PPP1R37: variants seen among roughly 807,000 people sequenced by gnomAD.
The protein encoded by PPP1R37 is leucine rich repeat containing 68.
In PPP1R37, 21 loss-of-function variants were observed where a neutral mutation model predicts 61.0. The observed-to-expected ratio is 0.34, with a 90% CI of 0.24 to 0.50. PPP1R37 has a LOEUF of 0.50. PPP1R37 is among the 20% of genes least tolerant of loss of function. The pLI, the probability that PPP1R37 is intolerant of heterozygous loss-of-function variation, is 0.98. For synonymous variants in PPP1R37, 443 were observed against 433.5 expected (o/e 1.02, Z -0.27); for missense variants, 910 against 952.7 (o/e 0.96, Z 0.59).
intron 1 of PPP1R37, chr19:45,128,833 C>A: frequency 1.6e-6 from 1 of 620,394 alleles, no homozygotes; most frequent in South Asian, 1.6e-5. Flanking sequence ...AGGAATGACT[C>A]CCAGTTGATT....
intron 6 of PPP1R37, 36 bp from the exon 7 acceptor site, chr19:45,142,267 G>GC: frequency 6.5e-7 from 1 of 1,534,644 alleles, no homozygotes; most frequent in Non-Finnish European, 8.7e-7. Context: ...GGGGGCAGGG[G>GC]CCTGCCCAGT....
intron 1 of PPP1R37, among the ~76,000 whole-genome samples, chr19:45,134,761 C>T (rs949039135): frequency 6.6e-6 from 1 of 152,024 alleles, no homozygotes; most frequent in African/African-American, 2.4e-5. Flanking sequence ...ATTTCTACGG[C>T]GCTTCTGTAA....
intron 1 of PPP1R37, among the ~76,000 whole-genome samples, chr19:45,119,127 T>C (rs946058209): frequency 5.3e-5 from 8 of 152,038 alleles, no homozygotes; most frequent in Non-Finnish European, 1.2e-4. Flanking sequence ...TAGCTGGGAT[T>C]ACAGGCACGT....
Position 45,145,631 on chromosome 19 carries a change from G to C in PPP1R37, c.1575G>C (p.Glu525Asp). Residue 525 changes from glutamate to aspartate, a missense_variant, in exon 11 of 13, where the codon GAG becomes GAC. This residue lies in a region of PPP1R37 where 549 missense variants were observed against 505.1 expected (regional missense o/e 1.09). Transcript: ENST00000221462. ...AGGAAGAGGAAGGGGAGAGGGACGA[G>C]ACCCCCTGTCCTGCCCTGGTGCCCC... ...EEEEEEGERD[E>D]TPCPALVPPT... The C allele has an allele frequency of 6.5e-7, 1 of 1,535,930 alleles. No individual in the cohort carries two copies. The highest frequency in any genetic ancestry group is 2.4e-5 in the East Asian group (1 of 40,884).
chr19:45,145,662 G>T lies in PPP1R37; in HGVS notation c.1606G>T (p.Asp536Tyr), dbSNP rs1370369474. 3.9e-6 allele frequency: 6 copies of T among 1,535,328 alleles called. No individual in the cohort carries two copies. Among genetic ancestry groups the T allele is most frequent in the Non-Finnish European group, 5.2e-6 (6 of 1,146,600 alleles). The change falls in exon 11 of 13, where the codon GAC becomes TAC. Residue 536 changes from aspartate to tyrosine, a missense_variant. This residue lies in a region of PPP1R37 where 549 missense variants were observed against 505.1 expected (regional missense o/e 1.09). Coordinates refer to ENST00000221462, the MANE Select transcript of PPP1R37 (RefSeq NM_019121.2). ...TPCPALVPPT[D>Y]SLGPGDRSPP... ...CTGTCCTGCCCTGGTGCCCCCCACG[G>T]ACTCCCTGGGCCCTGGGGACAGGAG...
intron 1 of PPP1R37, among the ~76,000 whole-genome samples, chr19:45,135,549 G>T (rs994433040): frequency 4.6e-5 from 7 of 152,242 alleles, no homozygotes; most frequent in African/African-American, 1.7e-4. Flanking sequence ...CTGAAATGTG[G>T]AGAGTTGAGA....
rs557821137 is a variant in PPP1R37, at chr19:45,146,637, C to G, written c.*75C>G. ...CCATGAGAATCTGCTCACCTTCCCC[C>G]CAGCCTTCCTGAGGCCCAGGATGCC... On this transcript the variant is annotated 3_prime_UTR_variant, in exon 13 of 13. Transcript: ENST00000221462. 1.7e-6 allele frequency: 1 copy of G among 604,992 alleles called. No homozygotes were observed. The highest frequency in any genetic ancestry group is 2.9e-6 in the Non-Finnish European group (1 of 348,608). The allele number at this position is 604,992 out of a possible 1,614,324, so 37.5% of individuals were successfully genotyped here.
intron 2 of PPP1R37, 63 bp downstream of exon 2, chr19:45,138,674 C>A: frequency 8.2e-7 from 1 of 1,218,844 alleles, no homozygotes; most frequent in South Asian, 1.3e-5. Context: ...AGGGTGGAAC[C>A]AGCCCAGCAG....
At chr19:45,128,888 G>T in intron 1 of PPP1R37, 1 of 664,912 alleles carries the variant, frequency 1.5e-6, no homozygotes, top group African/African-American at 1.8e-5. Context: ...CAGCAGGGAG[G>T]TGCGAGAGGA....
At chr19:45,134,781 C>T (rs938987378) in intron 1 of PPP1R37, among the ~76,000 whole-genome samples, 3 of 152,036 alleles carry the variant, frequency 2.0e-5, no homozygotes, top group Admixed American at 6.6e-5. Flanking sequence ...AGCACTTGGG[C>T]GGATGTGACC....
intron 1 of PPP1R37, among the ~76,000 whole-genome samples, chr19:45,124,647 C>T (rs1968379191): frequency 6.6e-6 from 1 of 152,076 alleles, no homozygotes. Flanking sequence ...TCCCCAGTGC[C>T]AGCACAGAGC....
At chr19:45,138,840 G>T (rs935716520) in intron 2 of PPP1R37, among the ~76,000 whole-genome samples, 1 of 151,388 alleles carries the variant, frequency 6.6e-6, no homozygotes, top group Non-Finnish European at 1.5e-5. Flanking sequence ...CAAAAGAAAC[G>T]CTGTTCCCTG....
At chr19:45,100,677 CG>C (rs1381600617) in intron 1 of PPP1R37, among the ~76,000 whole-genome samples, 2 of 152,308 alleles carry the variant, frequency 1.3e-5, no homozygotes, top group East Asian at 3.9e-4. Context: ...ACGTGCCATA[CG>C]GTCTCTTCAT....
chr19:45,135,178 G>T (rs909057701), intron 1 of PPP1R37, among the ~76,000 whole-genome samples: 1 of 152,172 alleles, frequency 6.6e-6, no homozygotes, highest in Non-Finnish European at 1.5e-5. Flanking sequence ...AACCAGGGAG[G>T]TAGAGGTTGC....
chr19:45,108,305 G>T (rs1298844721), intron 1 of PPP1R37, among the ~76,000 whole-genome samples: 2 of 152,114 alleles, frequency 1.3e-5, no homozygotes, highest in Non-Finnish European at 2.9e-5. Flanking sequence ...CACCTCCTAG[G>T]CTCAAGCCAT....
rs1225847525 is a variant in PPP1R37, at chr19:45,130,242, C to T, written c.203-8272C>T. Among the ~76,000 whole-genome samples, 1 of 152,118 alleles carries T rather than the reference C, an allele frequency of 6.6e-6. No individual in the cohort carries two copies. Among genetic ancestry groups the T allele is most frequent in the Non-Finnish European group, 1.5e-5 (1 of 67,992 alleles). ...GACTGCCAACCTGCACGATCAGGTC[C>T]CCTCCCCGTGAGTACTACAGGGGAC... On this transcript the variant is annotated intron_variant, in intron 1 of 12. Transcript: ENST00000221462. This position sits in a 1 kb window ranked among gnomAD's most constrained non-coding sequence, Gnocchi z 4.4.
intron 1 of PPP1R37, among the ~76,000 whole-genome samples, chr19:45,123,411 A>G (rs2122733002): frequency 6.6e-6 from 1 of 152,294 alleles, no homozygotes; most frequent in Admixed American, 6.5e-5. Context: ...CTGGAAACCC[A>G]ACAGAGAAAG....
intron 1 of PPP1R37, among the ~76,000 whole-genome samples, chr19:45,116,910 A>T (rs1968274899): frequency 8.4e-6 from 1 of 118,786 alleles, no homozygotes; most frequent in Admixed American, 8.2e-5. Context: ...AGAGGAGGTG[A>T]CTTTTTTTTT....
At chr19:45,100,097 G>A (rs1180958774) in intron 1 of PPP1R37, 1 of 152,242 alleles carries the variant, frequency 6.6e-6, no homozygotes, top group Non-Finnish European at 1.5e-5. Flanking sequence ...AGCTGGAGCA[G>A]TCACTGAGCA....
Sources: allele counts gnomAD v4.1 joint callset (sites outside exome capture counted in the v4.1 genomes callset), GRCh38; gene constraint gnomAD v4.1.1; regional missense constraint gnomAD v4.1.1; non-coding constraint Gnocchi (gnomAD v3.1); transcripts MANE v1.5; gene names NCBI Gene and HGNC (gene_info 2026-07-23, HGNC 2026-07-21).